Variants in WNK1 observed in about 807,000 individuals in gnomAD.
WNK1 encodes the protein WNK lysine deficient protein kinase 1, also known as serine/threonine-protein kinase WNK1.
A neutral mutation model predicts 222.8 loss-of-function variants in WNK1; 38 were observed. The observed-to-expected ratio is 0.17, with a 90% CI of 0.13 to 0.22. WNK1 has a LOEUF of 0.22. Ranked by LOEUF, WNK1 falls within the 10% of genes least tolerant of loss-of-function variation. WNK1 has a pLI of 1.00. For missense variants in WNK1, 2,348 were observed against 2,918.4 expected, an observed-to-expected ratio of 0.80 and a Z score of 4.50; for synonymous variants, 1,090 against 1,092.9, an observed-to-expected ratio of 1.00 and a Z score of 0.05.
intron 1 of WNK1, among the ~76,000 whole-genome samples, chr12:788,894 A>G (rs575592836): frequency 8.4e-4 from 128 of 151,816 alleles, no homozygotes; most frequent in African/African-American, 2.8e-3. Context: ...CTCGGGGGGG[A>G]AAAAGAAAGG....
chr12:830,969 G>T (rs1364332004), intron 4 of WNK1, among the ~76,000 whole-genome samples: 1 of 152,024 alleles, frequency 6.6e-6, no homozygotes, highest in Admixed American at 6.6e-5. Flanking sequence ...TTCTTTTTCT[G>T]CATGCATGTC....
In WNK1 at chr12:859,719, T is replaced by C. The variant is rs556506444; in HGVS notation, c.1620+255T>C. Among the ~76,000 whole-genome samples, 72 of 151,598 alleles carry C rather than the reference T, an allele frequency of 4.7e-4. No homozygotes were observed. The Middle Eastern group carries it at 0.014, about 29-fold the overall frequency. On this transcript the variant is annotated intron_variant, in intron 6 of 27. Transcript: ENST00000315939. Reference sequence around the variant, plus strand: ...TTTTTAAAAGTAAATTTTTTTTTTTTTTGATGGAGAGAGAGACAGGGTCTT... The same window carrying C: ...TTTTTAAAAGTAAATTTTTTTTTTTCTTGATGGAGAGAGAGACAGGGTCTT...
intron 4 of WNK1, among the ~76,000 whole-genome samples, chr12:855,525 C>T (rs1950718816): frequency 6.6e-6 from 1 of 152,184 alleles, no homozygotes; most frequent in African/African-American, 2.4e-5. Context: ...ACATGCATTT[C>T]TGTGATTTAT....
chr12:811,522 T>G (rs1218447412), intron 1 of WNK1, among the ~76,000 whole-genome samples: 1 of 152,118 alleles, frequency 6.6e-6, no homozygotes, highest in African/African-American at 2.4e-5. Context: ...TTTCTGAGGA[T>G]TAAATGAAGT....
rs566921597 is a variant in WNK1, at chr12:876,434, ATAAT to A, written c.2224-1774_2224-1771del. Reference sequence around the variant, plus strand: ...AAAAAAAAAGAATACATTATCAGAAATAATTAAATAGGAATAAACCAAACATGAC... The same window carrying A: ...AAAAAAAAAGAATACATTATCAGAAATAAATAGGAATAAACCAAACATGAC... On this transcript the variant is annotated intron_variant, in intron 9 of 27. Coordinates refer to ENST00000315939, the MANE Select transcript of WNK1 (RefSeq NM_018979.4). 6.6e-5 allele frequency among the ~76,000 whole-genome samples: 10 copies of A among 152,320 alleles called. No homozygotes were observed. In the South Asian group the frequency reaches 2.1e-3, roughly 32 times the overall value.
At chr12:805,995 G>T (rs1285801552) in intron 1 of WNK1, among the ~76,000 whole-genome samples, 1 of 152,088 alleles carries the variant, frequency 6.6e-6, no homozygotes, top group Non-Finnish European at 1.5e-5. Context: ...AACTTCTCCT[G>T]ATGACTTCTT....
chr12:869,194 G>T (rs541452597), intron 8 of WNK1: 202 of 1,528,184 alleles, frequency 1.3e-4, no homozygotes, highest in Non-Finnish European at 1.7e-4. Flanking sequence ...CTGAATCATG[G>T]ATTTTGGAGA....
intron 2 of WNK1, among the ~76,000 whole-genome samples, chr12:816,176 G>T (rs1401772769): frequency 6.6e-6 from 1 of 152,256 alleles, no homozygotes. Flanking sequence ...TTTTACCTGT[G>T]TGCAGAAGAC....
In WNK1 at chr12:828,308, A is replaced by C. The variant is rs1948527344; in HGVS notation, c.1153+1046A>C. ...GCAACAGAGCAAGACTCCATCTCCA[A>C]AATAAAAAAAATAAAAAGAATAACC... On this transcript the variant is annotated intron_variant, in intron 3 of 27. Transcript: ENST00000315939. 2.6e-5 allele frequency among the ~76,000 whole-genome samples: 4 copies of C among 152,124 alleles called. 1 individual carries two copies. In the South Asian group the frequency reaches 8.3e-4, roughly 32 times the overall value.
At chr12:829,955 T>A (rs775665463) in intron 3 of WNK1, 48 bp from the exon 4 acceptor site, 16 of 1,610,096 alleles carry the variant, frequency 9.9e-6, no homozygotes, top group Non-Finnish European at 1.4e-5. Context: ...GTGAGTAACG[T>A]CTGAAGCTTC....
intron 4 of WNK1, among the ~76,000 whole-genome samples, chr12:856,127 C>T (rs748626240): frequency 2.4e-4 from 37 of 151,878 alleles, no homozygotes; most frequent in East Asian, 9.9e-4. Context: ...GTGTGAGCCA[C>T]GGCGCCCAAC....
At chr12:906,492 T>G in intron 26 of WNK1, 1 of 984,842 alleles carries the variant, frequency 1.0e-6, no homozygotes, top group Non-Finnish European at 1.2e-6. Context: ...CTGGGAAGAG[T>G]GGGGAGAAGC....
intron 4 of WNK1, among the ~76,000 whole-genome samples, chr12:834,281 CTG>C (rs1445252161): frequency 1.3e-5 from 2 of 152,180 alleles, no homozygotes; most frequent in Non-Finnish European, 2.9e-5. Flanking sequence ...CTCCCAAATC[CTG>C]TCTCATCTCA....
At chr12:836,306 A>G (rs1448224448) in intron 4 of WNK1, among the ~76,000 whole-genome samples, 1 of 152,230 alleles carries the variant, frequency 6.6e-6, no homozygotes, top group Non-Finnish European at 1.5e-5. Flanking sequence ...ATTTCCTCAT[A>G]TGATTATGGT....
At chr12:806,133 C>T (rs976588447) in intron 1 of WNK1, among the ~76,000 whole-genome samples, 4 of 152,174 alleles carry the variant, frequency 2.6e-5, no homozygotes, top group African/African-American at 9.7e-5. Context: ...TTTCAAAGCA[C>T]ACTTACAATA....
intron 1 of WNK1, among the ~76,000 whole-genome samples, chr12:792,855 C>CT (rs554544303): frequency 1.6e-4 from 24 of 151,262 alleles, no homozygotes; most frequent in African/African-American, 4.6e-4. Context: ...TATTCTATGA[C>CT]TTTTTTTTTC....
At chr12:832,607 A>C (rs1332094263) in intron 4 of WNK1, among the ~76,000 whole-genome samples, 1 of 152,224 alleles carries the variant, frequency 6.6e-6, no homozygotes, top group African/African-American at 2.4e-5. Context: ...ACCCAGTAAA[A>C]ATGACAGCTA....
chr12:848,041 G>A (rs958069553), intron 4 of WNK1, among the ~76,000 whole-genome samples: 3 of 151,964 alleles, frequency 2.0e-5, no homozygotes, highest in African/African-American at 7.2e-5. Flanking sequence ...TGACCTCCTC[G>A]TGATCTGCCC....
rs200955556 is a variant in WNK1 at position 870,576 on chromosome 12, C to T, written c.2140-689C>T. ...CACTGTAGTTGGGGTTTCTCAGACT[C>T]AACACTGTTGACATCTGAGGTTGGA... On this transcript the variant is annotated intron_variant, in intron 8 of 27. Coordinates refer to ENST00000315939, the MANE Select transcript of WNK1 (RefSeq NM_018979.4). Among the ~76,000 whole-genome samples, 36 of 152,312 alleles carry T rather than the reference C, an allele frequency of 2.4e-4. No homozygotes were observed. The East Asian group carries it at 6.7e-3, about 29-fold the overall frequency.
Sources: allele counts gnomAD v4.1 joint callset (sites outside exome capture counted in the v4.1 genomes callset), GRCh38; gene constraint gnomAD v4.1.1; transcripts MANE v1.5; gene names NCBI Gene and HGNC (gene_info 2026-07-23, HGNC 2026-07-21).